ZNF140: variants seen among roughly 807,000 people sequenced by gnomAD.
ZNF140 encodes the protein zinc finger protein 140.
A neutral mutation model predicts 12.9 loss-of-function variants in ZNF140; 13 were observed. The observed-to-expected ratio is 1.01, with a 90% CI of 0.66 to 1.60. The LOEUF is 1.60. Among genes scored for constraint, ZNF140 ranks in the 40% most tolerant of loss-of-function variants. The pLI, the probability that ZNF140 is intolerant of heterozygous loss-of-function variation, is 0.00. For missense variants in ZNF140, 531 were observed against 548.8 expected (o/e 0.97, Z 0.32); for synonymous variants, 214 against 186.7 (o/e 1.15, Z -1.19).
Position 133,083,186 on chromosome 12 carries a change from C to T in ZNF140, c.93C>T (p.Tyr31=). The T allele has an allele frequency of 1.2e-6, 2 of 1,614,186 alleles. No individual in the cohort carries two copies. The highest frequency in any genetic ancestry group is 1.7e-6 in the Non-Finnish European group (2 of 1,180,028). The change falls in exon 3 of 5, where the codon TAC becomes TAT. Residue 31 remains tyrosine (Y), a synonymous_variant. Coordinates refer to ENST00000355557, the MANE Select transcript of ZNF140 (RefSeq NM_003440.4). Reference sequence around the variant, plus strand: ...TTCAGCCTGCTCAAAGAGATTTGTACAGATGTGTAATGTTGGAGAACTATG... The same window carrying T: ...TTCAGCCTGCTCAAAGAGATTTGTATAGATGTGTAATGTTGGAGAACTATG... ...KWLQPAQRDL[Y]RCVMLENYGH...
chr12:133,091,088 C>T lies in ZNF140; in HGVS notation c.232+7527C>T, dbSNP rs796105541. 6.6e-4 allele frequency among the ~76,000 whole-genome samples: 92 copies of T among 138,692 alleles called. 4 individuals carry two copies. The highest frequency in any genetic ancestry group is 2.4e-3 in the African/African-American group (91 of 38,524). 91.0% of individuals were successfully genotyped at this position (138,692 alleles called of 152,430 possible). A position where few individuals can be genotyped will look rare whatever the true frequency, so the allele number is the denominator to read the frequency against. On this transcript the variant is annotated intron_variant, in intron 4 of 4. Coordinates refer to ENST00000355557, the MANE Select transcript of ZNF140 (RefSeq NM_003440.4). ...CTGCAAGAGGCTTTCCTCTTTTACT[C>T]ATCCATCTCAGCACAGACCTTTTAC...
rs1328302912 is a variant in ZNF140, at chr12:133,104,068, T to A, written c.233-1442T>A. 2.6e-5 allele frequency among the ~76,000 whole-genome samples: 4 copies of A among 152,350 alleles called. No homozygotes were observed. In the East Asian group the frequency reaches 7.7e-4, roughly 29 times the overall value. On this transcript the variant is annotated intron_variant, in intron 4 of 4. Transcript: ENST00000355557. Reference sequence around the variant, plus strand: ...AGTCTATTTACCTTTCCTTAAAAGCTTACTGTGAGAGCAATAACAGATAAC... The same window carrying A: ...AGTCTATTTACCTTTCCTTAAAAGCATACTGTGAGAGCAATAACAGATAAC...
chr12:133,101,625 T>C (rs1955353281), intron 4 of ZNF140, among the ~76,000 whole-genome samples: 1 of 152,158 alleles, frequency 6.6e-6, no homozygotes. Context: ...TTTGTATTTT[T>C]AGTAGAGACG....
chr12:133,083,980 A>G (rs1234594370), intron 4 of ZNF140: 3 of 270,392 alleles, frequency 1.1e-5, no homozygotes, highest in East Asian at 2.4e-4. Flanking sequence ...AAAAGATACC[A>G]GAGGTATAAA....
In ZNF140 at chr12:133,081,371, A is replaced by ATATAT. The variant is rs1593734785; in HGVS notation, c.9+42_9+43insTATAT. The ATATAT allele has an allele frequency of 7.6e-3, 1,904 of 251,438 alleles. 62 individuals are homozygous for ATATAT. Among genetic ancestry groups the ATATAT allele is most frequent in the African/African-American group, 9.7e-3 (345 of 35,534 alleles). 15.6% of individuals were successfully genotyped at this position (251,438 alleles called of 1,614,324 possible). Reference sequence around the variant, plus strand: ...TAAATATATATATATATATATATATAAATTTTTATTTTTTTTTTAAGAGAG... The same window carrying ATATAT: ...TAAATATATATATATATATATATATATATATAATTTTTATTTTTTTTTTAAGAGAG... On this transcript the variant is annotated intron_variant, in intron 2 of 4. Coordinates refer to ENST00000355557, the MANE Select transcript of ZNF140 (RefSeq NM_003440.4).
intron 4 of ZNF140, among the ~76,000 whole-genome samples, chr12:133,087,977 A>G (rs1954729155): frequency 6.6e-6 from 1 of 152,050 alleles, no homozygotes; most frequent in Non-Finnish European, 1.5e-5. Context: ...TAAAAATACA[A>G]AAATTAGCCG....
chr12:133,083,787 A>G (rs1159193324), intron 4 of ZNF140, among the ~76,000 whole-genome samples: 6 of 152,192 alleles, frequency 3.9e-5, no homozygotes, highest in Admixed American at 3.9e-4. Flanking sequence ...GTGACACCCC[A>G]TCTCTGCTAA....
At chr12:133,091,691 T>TG (rs1207681118) in intron 4 of ZNF140, among the ~76,000 whole-genome samples, 1 of 151,114 alleles carries the variant, frequency 6.6e-6, no homozygotes, top group Non-Finnish European at 1.5e-5. Flanking sequence ...TTTGTAATAG[T>TG]GGAATTTCCA....
At chr12:133,102,810 T>C (rs1049693970) in intron 4 of ZNF140, among the ~76,000 whole-genome samples, 8 of 151,924 alleles carry the variant, frequency 5.3e-5, no homozygotes, top group Non-Finnish European at 1.0e-4. Flanking sequence ...AGTACTGAGT[T>C]TCCTCAAATC....
At chr12:133,094,766 C>T (rs60216972) in intron 4 of ZNF140, among the ~76,000 whole-genome samples, 2 of 151,110 alleles carry the variant, frequency 1.3e-5, no homozygotes, top group African/African-American at 4.9e-5. Context: ...GTTTCAGGCT[C>T]CCTCCCCCAG....
upstream of ZNF140, chr12:133,080,752 C>T (rs1190899833): frequency 6.6e-6 from 1 of 152,340 alleles, no homozygotes; most frequent in Non-Finnish European, 1.5e-5. Flanking sequence ...GGCAGCGAGG[C>T]GCTCTGGGAG....
chr12:133,091,692 G>C (rs1343895364), intron 4 of ZNF140, among the ~76,000 whole-genome samples: 1 of 150,682 alleles, frequency 6.6e-6, no homozygotes, highest in Admixed American at 6.6e-5. Flanking sequence ...TTGTAATAGT[G>C]GAATTTCCAG....
Position 133,106,466 on chromosome 12 carries a change from A to G in ZNF140, c.1189A>G (p.Ser397Gly). Residue 397 changes from serine to glycine, a missense_variant, in exon 5 of 5, where the codon AGC becomes GGC. Ser to Gly is a moderately conservative substitution (Grantham distance 56, BLOSUM62 0). Transcript: ENST00000355557. ...TGAATGTGATAAAGCCTTCAGCCGG[A>G]GCTTTTCCCTCATTCTACATCAGAG... ...CAECDKAFSR[S>G]FSLILHQRTH... The G allele has an allele frequency of 6.2e-7, 1 of 1,613,992 alleles. No individual in the cohort carries two copies.
chr12:133,101,606 G>A (rs1469382305), intron 4 of ZNF140, among the ~76,000 whole-genome samples: 1 of 151,976 alleles, frequency 6.6e-6, no homozygotes, highest in African/African-American at 2.4e-5. Context: ...TACCACGCCC[G>A]GCTAATTTTT....
In ZNF140 at chr12:133,081,256, CT is replaced by C; in HGVS notation, c.-48-14del. ...TAGCTGGCCTGTTCGCTCAGGGCTC[CT>C]TTCTCTCTCTGCCAGGTCTGCCATT... is the stretch of plus-strand genomic sequence containing the variant. On this transcript the variant is annotated splice_polypyrimidine_tract_variant and intron_variant, in intron 1 of 4. Transcript: ENST00000355557. The C allele has an allele frequency of 1.3e-6, 2 of 1,488,256 alleles. No individual in the cohort carries two copies. Among genetic ancestry groups the C allele is most frequent in the Non-Finnish European group, 1.8e-6 (2 of 1,090,108 alleles). The allele number at this position is 1,488,256 out of a possible 1,614,324, so 92.2% of individuals were successfully genotyped here.
intron 4 of ZNF140, among the ~76,000 whole-genome samples, chr12:133,097,989 A>G (rs1303832953): frequency 6.6e-6 from 1 of 151,992 alleles, no homozygotes; most frequent in African/African-American, 2.4e-5. Flanking sequence ...GCCCACCACC[A>G]CACCTGGCTA....
At chr12:133,105,228 A>C (rs1955546953) in intron 4 of ZNF140, among the ~76,000 whole-genome samples, 2 of 152,188 alleles carry the variant, frequency 1.3e-5, no homozygotes, top group African/African-American at 2.4e-5. Context: ...GTGGTGAAGA[A>C]GACTAGCAAC....
rs1053123411 is a variant in ZNF140 at position 133,106,043 on chromosome 12, C to T, written c.766C>T (p.Arg256Cys). The change falls in exon 5 of 5, where the codon CGT (arginine) becomes TGT (cysteine). Residue 256 changes from arginine to cysteine, a missense_variant. Arg to Cys is a radical substitution (Grantham distance 180). Coordinates refer to ENST00000355557, the MANE Select transcript of ZNF140 (RefSeq NM_003440.4). ...ECTECGKAFS[R>C]ASNLTRHQRI... Reference sequence around the variant, plus strand: ...TACTGAGTGTGGAAAGGCCTTTAGCCGTGCCTCCAACCTCACTCGACATCA... The same window carrying T: ...TACTGAGTGTGGAAAGGCCTTTAGCTGTGCCTCCAACCTCACTCGACATCA... 1.4e-5 allele frequency: 23 copies of T among 1,614,044 alleles called. No individual in the cohort carries two copies. Among genetic ancestry groups the T allele is most frequent in the South Asian group, 2.2e-5 (2 of 91,036 alleles).
chr12:133,090,737 CA>C (rs1258919531), intron 4 of ZNF140, among the ~76,000 whole-genome samples: 13 of 147,018 alleles, frequency 8.8e-5, no homozygotes, highest in Non-Finnish European at 1.8e-4. Flanking sequence ...ATTATTTCAG[CA>C]AAAAGGAATG....
Sources: gnomAD v4.1 joint callset for allele counts (sites outside exome capture counted in the v4.1 genomes callset) on GRCh38, gnomAD v4.1.1 for gene constraint, MANE v1.5 for transcripts, NCBI Gene and HGNC (gene_info 2026-07-23, HGNC 2026-07-21) for gene names.